Variants in CLECL1 observed in about 807,000 individuals in gnomAD.
CLECL1 encodes C-type lectin like 1.
the CLECL1 span, among the ~76,000 whole-genome samples, chr12:9,706,903 C>G: frequency 6.6e-6 from 1 of 152,142 alleles, no homozygotes; most frequent in Non-Finnish European, 1.5e-5. Flanking sequence ...TTTCAAGTTT[C>G]TGAAATAGTT....
At chr12:9,733,461 C>T (rs1038155374), upstream of CLECL1, among the ~76,000 whole-genome samples, 1 of 152,068 alleles carries the variant, frequency 6.6e-6, no homozygotes, top group East Asian at 1.9e-4. Context: ...GGAAACAGAA[C>T]AAGAAAAAGA....
chr12:9,732,033 C>T (rs1866453733), intron 1 of CLECL1, among the ~76,000 whole-genome samples: 1 of 152,064 alleles, frequency 6.6e-6, no homozygotes, highest in South Asian at 2.1e-4. Context: ...AGCAAGTTAG[C>T]CTCTGCTGGG....
chr12:9,722,752 C>T (rs1006568852), exon 4 of CLECL1: 13 of 1,613,778 alleles, frequency 8.1e-6, no homozygotes, highest in Non-Finnish European at 1.0e-5. Context: ...AACATTTTCC[C>T]TTATGCACCT....
downstream of CLECL1, chr12:9,715,726 C>T (rs1866231989): frequency 6.5e-6 from 1 of 152,914 alleles, no homozygotes; most frequent in Admixed American, 6.5e-5. Context: ...TTGCCATCCC[C>T]ACCCACTGCT....
downstream of CLECL1, among the ~76,000 whole-genome samples, chr12:9,719,951 G>C (rs1866288640): frequency 6.6e-6 from 1 of 152,116 alleles, no homozygotes; most frequent in Admixed American, 6.5e-5. Flanking sequence ...TTTCTCTTCT[G>C]TCTCTCTTCC....
intron 2 of CLECL1, among the ~76,000 whole-genome samples, chr12:9,716,937 C>G (rs777202659): frequency 6.6e-6 from 1 of 152,176 alleles, no homozygotes; most frequent in African/African-American, 2.4e-5. Context: ...CTTCTGTGAA[C>G]GGGATGTAAA....
chr12:9,725,179 A>G (rs945376537), intron 3 of CLECL1, among the ~76,000 whole-genome samples: 7 of 152,164 alleles, frequency 4.6e-5, no homozygotes, highest in Non-Finnish European at 8.8e-5. Flanking sequence ...GAAGTTTTTC[A>G]GGCTGATGCG....
chr12:9,729,946 G>A (rs1054695430), intron 1 of CLECL1, among the ~76,000 whole-genome samples: 4 of 151,884 alleles, frequency 2.6e-5, no homozygotes, highest in African/African-American at 9.7e-5. Flanking sequence ...CTGTGTCTCT[G>A]GGTTTTTATA....
downstream of CLECL1, among the ~76,000 whole-genome samples, chr12:9,721,063 G>C (rs1159968596): frequency 2.0e-5 from 3 of 152,128 alleles, no homozygotes; most frequent in African/African-American, 7.2e-5. Context: ...ATTTCTTTGA[G>C]ATATCTGCAA....
chr12:9,719,228 A>T (rs1270463998), downstream of CLECL1, among the ~76,000 whole-genome samples: 1 of 152,152 alleles, frequency 6.6e-6, no homozygotes. Flanking sequence ...TGAGACCAGG[A>T]GTTTGAGAAC....
chr12:9,717,320 G>A (rs10772070), intron 2 of CLECL1, among the ~76,000 whole-genome samples: 42,592 of 151,816 alleles, frequency 0.28, 6,563 homozygotes, highest in South Asian at 0.46. Context: ...CAGAAACCCC[G>A]TAGTAGTCCA....
chr12:9,726,058 A>G (rs1165903611), intron 3 of CLECL1, among the ~76,000 whole-genome samples: 1 of 152,012 alleles, frequency 6.6e-6, no homozygotes, highest in African/African-American at 2.4e-5. Flanking sequence ...TCTGGAAGAA[A>G]CAATCTTTAA....
chr12:9,723,956 G>C (rs887183192), intron 3 of CLECL1, among the ~76,000 whole-genome samples: 2 of 152,066 alleles, frequency 1.3e-5, no homozygotes, highest in Non-Finnish European at 2.9e-5. Flanking sequence ...GGGAGGCTGA[G>C]GCAAGCAGAT....
chr12:9,717,237 C>T (rs1254960153), intron 2 of CLECL1, among the ~76,000 whole-genome samples: 1 of 152,128 alleles, frequency 6.6e-6, no homozygotes, highest in African/African-American at 2.4e-5. Flanking sequence ...GGTGAAACCC[C>T]GTCTGTACTA....
chr12:9,710,628 C>T, the CLECL1 span, among the ~76,000 whole-genome samples: 1 of 152,278 alleles, frequency 6.6e-6, no homozygotes, highest in South Asian at 2.1e-4. Context: ...AAACCTGAGA[C>T]CCTAGCAAGG....
exon 3 of CLECL1, chr12:9,716,714 T>A: frequency 8.3e-7 from 1 of 1,199,438 alleles, no homozygotes; most frequent in Non-Finnish European, 1.1e-6. Flanking sequence ...GCCTGTAGCC[T>A]CTGTCTCCTC....
intron 1 of CLECL1, among the ~76,000 whole-genome samples, chr12:9,730,648 A>C (rs1219429465): frequency 6.6e-6 from 1 of 152,148 alleles, no homozygotes; most frequent in Non-Finnish European, 1.5e-5. Context: ...AGTCACAGAA[A>C]GAATGTGGTG....
At chr12:9,714,904 G>C (rs1030589505), downstream of CLECL1, among the ~76,000 whole-genome samples, 2 of 152,170 alleles carry the variant, frequency 1.3e-5, no homozygotes, top group Admixed American at 1.3e-4. Context: ...ATCATAGAAA[G>C]TCTGAAATAC....
chr12:9,709,260 C>A, the CLECL1 span: 1 of 145,886 alleles, frequency 6.9e-6, no homozygotes, highest in Admixed American at 6.6e-5. Context: ...CCCAGAGGCA[C>A]CCCCAACAGG....
Sources: gnomAD v4.1 joint callset for allele counts (sites outside exome capture counted in the v4.1 genomes callset) on GRCh38, gnomAD v4.1.1 for gene constraint, MANE v1.5 for transcripts, NCBI Gene and HGNC (gene_info 2026-07-23, HGNC 2026-07-21) for gene names.